The following TTLL5 variants were observed in gnomAD, a reference collection of about 807,000 sequenced individuals.
The protein encoded by TTLL5 is tubulin polyglutamylase TTLL5.
A neutral mutation model predicts 168.4 loss-of-function variants in TTLL5; 132 were observed. The observed-to-expected ratio is 0.78, with a 90% CI of 0.68 to 0.91. The LOEUF (loss-of-function observed/expected upper bound fraction) is 0.91. Ranked by LOEUF, TTLL5 falls within the 40% of genes least tolerant of loss-of-function variation. The pLI is 0.00. For synonymous variants in TTLL5, 546 were observed against 558.6 expected (o/e 0.98, Z 0.32); for missense variants, 1,545 against 1,581.5 (o/e 0.98, Z 0.39).
At chr14:75,933,602 A>G (rs1456470426) in intron 31 of TTLL5, among the ~76,000 whole-genome samples, 1 of 152,174 alleles carries the variant, frequency 6.6e-6, no homozygotes, top group African/African-American at 2.4e-5. Context: ...GGAAGGATAA[A>G]CTGGTGGGAT....
At chr14:75,687,827 G>A (rs895773542) in intron 5 of TTLL5, among the ~76,000 whole-genome samples, 2 of 152,154 alleles carry the variant, frequency 1.3e-5, no homozygotes, top group African/African-American at 4.8e-5. Context: ...AAAGAGGCTC[G>A]TGAAAAGATG....
intron 30 of TTLL5, among the ~76,000 whole-genome samples, chr14:75,893,687 G>T (rs771819590): frequency 1.3e-5 from 2 of 151,744 alleles, no homozygotes; most frequent in African/African-American, 2.4e-5. Context: ...GCGGGGTGAC[G>T]CACGCCTGTA....
At chr14:75,856,841 G>A (rs924706159) in intron 28 of TTLL5, among the ~76,000 whole-genome samples, 1 of 151,936 alleles carries the variant, frequency 6.6e-6, no homozygotes, top group Non-Finnish European at 1.5e-5. Context: ...TGGCCAGGCT[G>A]GTCTCAAACT....
At chr14:75,785,832 A>G (rs1298989684) in intron 26 of TTLL5, among the ~76,000 whole-genome samples, 1 of 152,130 alleles carries the variant, frequency 6.6e-6, no homozygotes, top group Admixed American at 6.5e-5. Context: ...TTCTTTTTCA[A>G]GATTGTTTAG....
chr14:75,917,787 G>C (rs996670302), intron 31 of TTLL5, among the ~76,000 whole-genome samples: 7 of 152,224 alleles, frequency 4.6e-5, no homozygotes, highest in African/African-American at 1.7e-4. Context: ...GCAGAGGGTG[G>C]AGCTGAAGTG....
chr14:75,666,613 G>A (rs974495686), intron 2 of TTLL5, among the ~76,000 whole-genome samples: 2 of 152,210 alleles, frequency 1.3e-5, no homozygotes, highest in Non-Finnish European at 2.9e-5. Context: ...GGCTGAAGGA[G>A]CTGGGGAAGG....
intron 30 of TTLL5, among the ~76,000 whole-genome samples, chr14:75,890,107 G>C (rs2032327045): frequency 6.6e-6 from 1 of 152,174 alleles, no homozygotes; most frequent in Non-Finnish European, 1.5e-5. Context: ...GTTTTGGAAA[G>C]ACCCATGAGG....
intron 31 of TTLL5, among the ~76,000 whole-genome samples, 172 bp from the exon 32 acceptor site, chr14:75,954,252 C>CAA (rs56396876): frequency 1.4e-3 from 101 of 74,476 alleles, no homozygotes; most frequent in Non-Finnish European, 1.5e-3. Flanking sequence ...GACTCCATCT[C>CAA]AAAAAAAAAA....
chr14:75,706,774 A>AT (rs1213998697), intron 7 of TTLL5, among the ~76,000 whole-genome samples: 1 of 150,736 alleles, frequency 6.6e-6, no homozygotes, highest in Non-Finnish European at 1.5e-5. Flanking sequence ...TTATTTATTT[A>AT]TTATTTATTA....
chr14:75,797,777 G>T (rs770742104), intron 27 of TTLL5, among the ~76,000 whole-genome samples: 6 of 152,110 alleles, frequency 3.9e-5, no homozygotes, highest in Non-Finnish European at 8.8e-5. Flanking sequence ...CTTGATGAAG[G>T]TGGATTATCT....
chr14:75,904,958 G>A (rs1009763437), intron 31 of TTLL5, among the ~76,000 whole-genome samples: 8 of 152,086 alleles, frequency 5.3e-5, no homozygotes, highest in South Asian at 4.2e-4. Context: ...TGTACAACTA[G>A]TAAGTAACTG....
chr14:75,793,969 C>T (rs1490299645), intron 27 of TTLL5, among the ~76,000 whole-genome samples: 1 of 152,116 alleles, frequency 6.6e-6, no homozygotes, highest in Admixed American at 6.5e-5. Flanking sequence ...AAAAGTGAAG[C>T]TGAAAATTAC....
At chr14:75,833,934 A>G (rs528308296) in intron 28 of TTLL5, among the ~76,000 whole-genome samples, 2 of 152,308 alleles carry the variant, frequency 1.3e-5, no homozygotes, top group East Asian at 1.9e-4. Flanking sequence ...GAAGTATGCT[A>G]TTATCCCAGA....
chr14:75,751,724 G>A (rs1889965443), intron 17 of TTLL5, among the ~76,000 whole-genome samples: 2 of 152,312 alleles, frequency 1.3e-5, no homozygotes, highest in South Asian at 2.1e-4. Flanking sequence ...CAAAAGATCA[G>A]TGGGAGGTGA....
At chr14:75,736,765 A>G (rs1335938805) in intron 15 of TTLL5, among the ~76,000 whole-genome samples, 3 of 152,204 alleles carry the variant, frequency 2.0e-5, no homozygotes, top group Non-Finnish European at 4.4e-5. Flanking sequence ...TCCCTAATTA[A>G]TGTTGGGATG....
chr14:75,855,359 C>T (rs1318409588), intron 28 of TTLL5, among the ~76,000 whole-genome samples: 1 of 152,090 alleles, frequency 6.6e-6, no homozygotes, highest in Non-Finnish European at 1.5e-5. Context: ...GGAGGGTGAA[C>T]AAAAGCTGAT....
intron 30 of TTLL5, among the ~76,000 whole-genome samples, chr14:75,887,465 A>G (rs2032178401): frequency 6.6e-6 from 1 of 152,222 alleles, no homozygotes; most frequent in African/African-American, 2.4e-5. Context: ...GTTTCAAGAA[A>G]CATAGTTGAA....
chr14:75,669,294 A>C, intron 2 of TTLL5, 122 bp from the exon 3 acceptor site: 1 of 827,598 alleles, frequency 1.2e-6, no homozygotes, highest in Non-Finnish European at 1.9e-6. Flanking sequence ...CCCACAGGAT[A>C]TTTGGGATTT....
At chr14:75,679,576 A>T (rs894155341) in intron 3 of TTLL5, among the ~76,000 whole-genome samples, 1 of 152,230 alleles carries the variant, frequency 6.6e-6, no homozygotes. Context: ...GTGTGGATAC[A>T]TGGATTCTTT....
Sources: allele counts gnomAD v4.1 joint callset (sites outside exome capture counted in the v4.1 genomes callset), GRCh38; gene constraint gnomAD v4.1.1; transcripts MANE v1.5; gene names NCBI Gene and HGNC (gene_info 2026-07-23, HGNC 2026-07-21).